GRIN2A: variants seen among roughly 807,000 people sequenced by gnomAD.
The protein encoded by GRIN2A is glutamate receptor ionotropic, NMDA 2A.
A neutral mutation model predicts 113.4 loss-of-function variants in GRIN2A; 22 were observed. That is an observed-to-expected ratio of 0.19 (90% CI 0.14 to 0.28). The LOEUF (loss-of-function observed/expected upper bound fraction) is 0.28. GRIN2A is among the 10% of genes least tolerant of loss of function. The pLI is 1.00. For missense variants in GRIN2A, 1,502 were observed against 1,887.0 expected (o/e 0.80, Z 3.78); for synonymous variants, 827 against 738.4 (o/e 1.12, Z -1.94).
At chr16:10,053,140 G>T (rs1380433296) in intron 2 of GRIN2A, among the ~76,000 whole-genome samples, 1 of 152,188 alleles carries the variant, frequency 6.6e-6, no homozygotes, top group Admixed American at 6.5e-5. Context: ...CCACTGTTCA[G>T]GGCCACAACA....
chr16:10,076,646 A>T (rs1378020147), intron 2 of GRIN2A, among the ~76,000 whole-genome samples: 1 of 152,182 alleles, frequency 6.6e-6, no homozygotes, highest in Non-Finnish European at 1.5e-5. Context: ...GGAGGAAAAG[A>T]CCCAAGTTCT....
At chr16:9,793,278 G>A (rs1902733576) in intron 11 of GRIN2A, among the ~76,000 whole-genome samples, 1 of 152,142 alleles carries the variant, frequency 6.6e-6, no homozygotes. Context: ...ACTTGTGACT[G>A]AATAATAAAA....
At chr16:10,116,349 C>T (rs2048728004) in intron 2 of GRIN2A, among the ~76,000 whole-genome samples, 1 of 152,154 alleles carries the variant, frequency 6.6e-6, no homozygotes, top group African/African-American at 2.4e-5. Context: ...GGATAAATAG[C>T]TAATGCATAT....
intron 2 of GRIN2A, among the ~76,000 whole-genome samples, chr16:10,175,947 C>T (rs983247363): frequency 3.3e-5 from 5 of 151,642 alleles, no homozygotes; most frequent in African/African-American, 1.2e-4. Context: ...AAGATTAGAA[C>T]TTCATCTACA....
At chr16:9,905,454 A>T (rs898721552) in intron 3 of GRIN2A, among the ~76,000 whole-genome samples, 1 of 152,240 alleles carries the variant, frequency 6.6e-6, no homozygotes, top group Non-Finnish European at 1.5e-5. Context: ...GCAAGATGAT[A>T]ACAGTGGTGA....
At chr16:9,903,820 C>G (rs960370142) in intron 3 of GRIN2A, among the ~76,000 whole-genome samples, 15 of 152,172 alleles carry the variant, frequency 9.9e-5, no homozygotes, top group African/African-American at 3.6e-4. Flanking sequence ...TCTGAAGACC[C>G]TTTACTACCA....
chr16:9,880,715 A>C (rs2043462206), intron 4 of GRIN2A, among the ~76,000 whole-genome samples: 1 of 152,170 alleles, frequency 6.6e-6, no homozygotes, highest in Non-Finnish European at 1.5e-5. Flanking sequence ...CTTGCCTCTG[A>C]ACCTGACTTT....
chr16:9,871,657 C>T (rs1027201065), intron 4 of GRIN2A, among the ~76,000 whole-genome samples: 1 of 152,084 alleles, frequency 6.6e-6, no homozygotes, highest in African/African-American at 2.4e-5. Flanking sequence ...TTCTCTGGTC[C>T]TCATTTTTCT....
intron 2 of GRIN2A, among the ~76,000 whole-genome samples, chr16:10,154,939 A>G (rs2049658008): frequency 1.3e-5 from 2 of 152,220 alleles, no homozygotes; most frequent in African/African-American, 2.4e-5. Flanking sequence ...ACAGAAGGGG[A>G]GTCTTCTGAT....
intron 2 of GRIN2A, among the ~76,000 whole-genome samples, chr16:9,985,461 G>T (rs1284332520): frequency 2.0e-5 from 3 of 152,050 alleles, no homozygotes; most frequent in Admixed American, 1.3e-4. Flanking sequence ...ACAGACAAAT[G>T]GATAAAGAAA....
chr16:10,016,427 G>A (rs574166176), intron 2 of GRIN2A, among the ~76,000 whole-genome samples: 3 of 152,144 alleles, frequency 2.0e-5, no homozygotes, highest in African/African-American at 7.2e-5. Context: ...AGAAAAGAAG[G>A]ACTATTGCCC....
chr16:9,970,802 T>C (rs2045655703), intron 2 of GRIN2A: 2 of 778,090 alleles, frequency 2.6e-6, no homozygotes, highest in South Asian at 1.2e-4. Flanking sequence ...ATATCAAATA[T>C]AGTTCCTTCC....
At chr16:10,089,984 C>G (rs2048156406) in intron 2 of GRIN2A, among the ~76,000 whole-genome samples, 1 of 152,088 alleles carries the variant, frequency 6.6e-6, no homozygotes, top group Non-Finnish European at 1.5e-5. Context: ...GAAATTTTCC[C>G]TAATCCCAAG....
At chr16:9,981,998 G>C (rs1239144953) in intron 2 of GRIN2A, among the ~76,000 whole-genome samples, 1 of 152,072 alleles carries the variant, frequency 6.6e-6, no homozygotes, top group East Asian at 1.9e-4. Flanking sequence ...ATGTTGTCCA[G>C]GCAGGTCTGG....
chr16:10,138,201 G>C (rs1166915349), intron 2 of GRIN2A, among the ~76,000 whole-genome samples: 2 of 152,226 alleles, frequency 1.3e-5, no homozygotes. Context: ...GTGTGAGATG[G>C]TTAACACTGA....
chr16:10,067,603 A>G (rs1262178779), intron 2 of GRIN2A, among the ~76,000 whole-genome samples: 1 of 152,110 alleles, frequency 6.6e-6, no homozygotes, highest in Admixed American at 6.6e-5. Context: ...CTGCGTGAAG[A>G]CAGGGTGAGA....
chr16:9,761,044 A>T lies in GRIN2A; in HGVS notation c.*2105T>A. On this transcript the variant is annotated 3_prime_UTR_variant, in exon 13 of 13. Transcript: ENST00000330684. ...GAAATAAAATGTCATTTTCAAGCAC[A>T]TGCATCCCCAGCACCTAGTCAGCCC... 1 of 232,942 alleles carries T rather than the reference A, an allele frequency of 4.3e-6. No individual in the cohort carries two copies. Among genetic ancestry groups the T allele is most frequent in the Non-Finnish European group, 8.5e-6 (1 of 117,850 alleles). The allele number at this position is 232,942 out of a possible 1,614,324, so 14.4% of individuals were successfully genotyped here.
intron 2 of GRIN2A, among the ~76,000 whole-genome samples, chr16:9,976,237 C>A (rs1434961622): frequency 6.6e-6 from 1 of 152,180 alleles, no homozygotes; most frequent in Non-Finnish European, 1.5e-5. Flanking sequence ...CCTGGCCAGA[C>A]ACCATGGCAT....
intron 7 of GRIN2A, among the ~76,000 whole-genome samples, chr16:9,837,229 T>A (rs2042596545): frequency 1.3e-5 from 2 of 152,148 alleles, no homozygotes; most frequent in South Asian, 4.1e-4. Flanking sequence ...CAAATAGGGA[T>A]GTAATTTAGT....
Sources: gnomAD v4.1 joint callset for allele counts (sites outside exome capture counted in the v4.1 genomes callset) on GRCh38, gnomAD v4.1.1 for gene constraint, MANE v1.5 for transcripts, NCBI Gene and HGNC (gene_info 2026-07-23, HGNC 2026-07-21) for gene names.